The following TRRAP variants were observed in gnomAD, a reference collection of about 807,000 sequenced individuals.
TRRAP encodes transformation/transcription domain associated protein, also known as transformation/transcription domain-associated protein.
A neutral mutation model predicts 438.8 loss-of-function variants in TRRAP; 41 were observed. The ratio of observed to expected loss-of-function variants is 0.09; its 90% CI spans 0.07 to 0.12. The LOEUF is 0.12. Among genes scored for constraint, TRRAP ranks in the 10% least tolerant of loss-of-function variants. The probability of loss-of-function intolerance (pLI) is 1.00; values close to 1 mark genes in which losing one functional copy is unlikely to be tolerated. For synonymous variants in TRRAP, 1,994 were observed against 1,962.9 expected, an observed-to-expected ratio of 1.02 and a Z score of -0.42; for missense variants, 3,122 against 5,055.1, an observed-to-expected ratio of 0.62 and a Z score of 11.60.
At position 98,967,128 on chromosome 7, in the gene TRRAP, G is replaced by A. The variant is rs779659991; in HGVS notation, c.7264G>A (p.Ala2422Thr). 4 of 1,614,020 alleles carry A rather than the reference G, an allele frequency of 2.5e-6. No homozygotes were observed. Among genetic ancestry groups the A allele is most frequent in the South Asian group, 2.2e-5 (2 of 91,066 alleles). The change falls in exon 50 of 73, where the codon GCC becomes ACC. Residue 2422 changes from alanine (A) to threonine (T), a missense_variant. Transcript: ENST00000456197. Reference sequence around the variant, plus strand: ...CTTTCCGGAAGACCTTGAATTAAATGCCCAGTTTTTAGATCTTGTTAACTA... The same window carrying A: ...CTTTCCGGAAGACCTTGAATTAAATACCCAGTTTTTAGATCTTGTTAACTA... ...KRFPEDLELN[A>T]QFLDLVNYVY...
chr7:98,912,309 C>A, intron 18 of TRRAP, 96 bp downstream of exon 18: 1 of 1,357,198 alleles, frequency 7.4e-7, no homozygotes, highest in Non-Finnish European at 9.9e-7. Flanking sequence ...GGTCAGCGTT[C>A]TGGACTCAAG....
intron 67 of TRRAP, among the ~76,000 whole-genome samples, chr7:98,997,015 G>C (rs1371718482): frequency 6.6e-6 from 1 of 152,068 alleles, no homozygotes; most frequent in East Asian, 1.9e-4. Context: ...CAAAAAAAGA[G>C]TATGTTCTTG....
At chr7:98,964,507 G>A in intron 47 of TRRAP, 122 bp from the exon 48 acceptor site, 1 of 1,183,300 alleles carries the variant, frequency 8.5e-7, no homozygotes, top group Non-Finnish European at 1.2e-6. Flanking sequence ...AGCTCACAGT[G>A]TTGACACTGG....
At chr7:98,917,354 T>C (rs1344350345) in intron 19 of TRRAP, 69 bp from the exon 20 acceptor site, 1 of 1,567,786 alleles carries the variant, frequency 6.4e-7, no homozygotes, top group Middle Eastern at 2.0e-4. Flanking sequence ...GCAGTTCTTT[T>C]GTGTGTTTCA....
chr7:98,984,912 G>A, intron 61 of TRRAP, 32 bp from the exon 62 acceptor site: 1 of 1,468,406 alleles, frequency 6.8e-7, no homozygotes, highest in South Asian at 1.2e-5. Context: ...GAAATTTCAA[G>A]AACTTTTTTT....
chr7:98,964,174 G>A (rs1254318572), intron 47 of TRRAP, among the ~76,000 whole-genome samples: 1 of 151,730 alleles, frequency 6.6e-6, no homozygotes, highest in African/African-American at 2.4e-5. Context: ...CAGTGTTTCT[G>A]TTCTAGTATT....
intron 47 of TRRAP, 85 bp downstream of exon 47, chr7:98,962,512 G>A: frequency 1.6e-5 from 25 of 1,599,868 alleles, no homozygotes; most frequent in Non-Finnish European, 2.1e-5. Context: ...TTTGGGAAAG[G>A]GCTCCGGTTG....
chr7:98,976,882 A>AG lies in TRRAP; in HGVS notation c.8248-51dup, dbSNP rs1302093493. On this transcript the variant is annotated intron_variant, in intron 55 of 72. Transcript: ENST00000456197. This position sits in a 1 kb window ranked among gnomAD's most constrained non-coding sequence, Gnocchi z 4.6. ...ATGACAGCACAGTGAAACTATTTTT[A>AG]GGGGGGAAAAAAAGTCTCTGTCTCA... 6.6e-5 allele frequency: 106 copies of AG among 1,606,382 alleles called. No homozygotes were observed. Among genetic ancestry groups the AG allele is most frequent in the Middle Eastern group, 1.7e-4 (1 of 6,020 alleles).
Position 99,005,368 on chromosome 7 carries a change from C to T in TRRAP, c.10753+20C>T. ...TCACAGGTAGGGTTGAGAGCCACAG[C>T]TCGCTGGGTACACAGGCAGCTTCAC... is the stretch of plus-strand genomic sequence containing the variant. On this transcript the variant is annotated intron_variant, in intron 69 of 72. Coordinates refer to ENST00000456197, the MANE Select transcript of TRRAP (RefSeq NM_001375524.1). The surrounding 1 kb of genome is among the most constrained non-coding windows in gnomAD (Gnocchi z 5.1). 5.6e-6 allele frequency: 9 copies of T among 1,612,108 alleles called. No homozygotes were observed. Among genetic ancestry groups the T allele is most frequent in the African/African-American group, 1.3e-5 (1 of 74,978 alleles).
At position 99,007,866 on chromosome 7, in the gene TRRAP, G is replaced by A. The variant is rs191725178; in HGVS notation, c.10754-511G>A. Among the ~76,000 whole-genome samples the A allele has an allele frequency of 1.6e-3, 227 of 143,214 alleles. 1 individual carries two copies. Among genetic ancestry groups the A allele is most frequent in the African/African-American group, 5.6e-3 (216 of 38,266 alleles). The allele number at this position is 143,214 out of a possible 152,430, so 94.0% of individuals were successfully genotyped here. A position where few individuals can be genotyped will look rare whatever the true frequency, so the allele number is the denominator to read the frequency against. ...CTTTGAGATGGAGTCTCGCTCTGTC[G>A]CCAGGCTGGAGTGCTGTGGCGTGAT... On this transcript the variant is annotated intron_variant, in intron 69 of 72. Coordinates refer to ENST00000456197, the MANE Select transcript of TRRAP (RefSeq NM_001375524.1).
chr7:98,898,142 C>T (rs151058683), intron 8 of TRRAP, among the ~76,000 whole-genome samples: 1 of 152,186 alleles, frequency 6.6e-6, no homozygotes, highest in Non-Finnish European at 1.5e-5. Flanking sequence ...CTGTTCTGTC[C>T]CTTAGCTTTG....
chr7:98,911,771 T>C (rs1280628111), intron 17 of TRRAP, among the ~76,000 whole-genome samples: 1 of 137,224 alleles, frequency 7.3e-6, no homozygotes, highest in Non-Finnish European at 1.5e-5. Context: ...CATCTCAAAA[T>C]CTCAAAAAAA....
intron 9 of TRRAP, 25 bp downstream of exon 9, chr7:98,899,524 T>A: frequency 6.2e-7 from 1 of 1,612,888 alleles, no homozygotes; most frequent in Non-Finnish European, 8.5e-7. Context: ...CATTAGTCTC[T>A]TGGGTTTTGG....
chr7:98,957,830 C>T, intron 43 of TRRAP, 151 bp from the exon 44 acceptor site: 1 of 691,164 alleles, frequency 1.4e-6, no homozygotes, highest in African/African-American at 1.7e-5. Context: ...CACCAGGGCA[C>T]AGACCACATC....
intron 53 of TRRAP, among the ~76,000 whole-genome samples, chr7:98,975,647 G>T (rs1792621541): frequency 6.6e-6 from 1 of 152,196 alleles, no homozygotes; most frequent in Non-Finnish European, 1.5e-5. Context: ...GTCCGTCTCG[G>T]TCATTTTCTC....
At chr7:98,913,349 G>T (rs1429540912) in intron 18 of TRRAP, among the ~76,000 whole-genome samples, 1 of 151,870 alleles carries the variant, frequency 6.6e-6, no homozygotes, top group Non-Finnish European at 1.5e-5. Context: ...GAGTGCAGTG[G>T]AGTGATCTTG....
At chr7:98,919,497 G>A (rs1036567728) in intron 20 of TRRAP, among the ~76,000 whole-genome samples, 2 of 152,198 alleles carry the variant, frequency 1.3e-5, no homozygotes, top group South Asian at 2.1e-4. Flanking sequence ...AGCTACTCAC[G>A]AGTTTGAGGT....
At chr7:98,938,174 A>G (rs1347153893) in intron 30 of TRRAP, among the ~76,000 whole-genome samples, 1 of 152,082 alleles carries the variant, frequency 6.6e-6, no homozygotes, top group African/African-American at 2.4e-5. Flanking sequence ...ACTCCATCTC[A>G]AAAAAAGAAA....
At chr7:98,970,074 C>G (rs763551909) in intron 51 of TRRAP, 38 bp from the exon 52 acceptor site, 43 of 1,604,662 alleles carry the variant, frequency 2.7e-5, no homozygotes, top group Non-Finnish European at 3.2e-5. Flanking sequence ...ATGCCACGCG[C>G]ATGCCTTGGG....
Sources: gnomAD v4.1 joint callset for allele counts (sites outside exome capture counted in the v4.1 genomes callset) on GRCh38, gnomAD v4.1.1 for gene constraint, Gnocchi (gnomAD v3.1) non-coding constraint, MANE v1.5 for transcripts, NCBI Gene and HGNC (gene_info 2026-07-23, HGNC 2026-07-21) for gene names.